Variants in GPR153 observed in about 807,000 individuals in gnomAD.
GPR153 encodes probable G protein-coupled receptor 153.
GPR153 carries 27 observed loss-of-function variants against 34.1 expected under a neutral mutation model. The observed-to-expected ratio is 0.79, with a 90% CI of 0.58 to 1.09. The LOEUF (loss-of-function observed/expected upper bound fraction) is 1.09. Ranked by LOEUF, GPR153 falls within the 50% of genes least tolerant of loss-of-function variation. The probability of loss-of-function intolerance (pLI) is 0.00; values close to 1 mark genes in which losing one functional copy is unlikely to be tolerated. For synonymous variants in GPR153, 408 were observed against 405.4 expected (o/e 1.01, Z -0.08); for missense variants, 848 against 860.2 (o/e 0.99, Z 0.18).
At position 6,253,599 on chromosome 1, in the gene GPR153, C is replaced by T. The variant is rs562506406; in HGVS notation, c.786+119G>A. On this transcript the variant is annotated intron_variant, in intron 3 of 5. Coordinates refer to ENST00000377893, the MANE Select transcript of GPR153 (RefSeq NM_207370.4). The stretch of plus-strand genomic sequence containing the variant: ...GGTTTCCAAATCTGGAAAATGGGGA[C>T]GATGATCAAGCCCATCTCAAAGGAT... 3.6e-4 allele frequency: 330 copies of T among 924,842 alleles called. 3 individuals are homozygous for T. Among genetic ancestry groups the T allele is most frequent in the Middle Eastern group, 2.1e-3 (6 of 2,830 alleles). The allele number at this position is 924,842 out of a possible 1,614,324, so 57.3% of individuals were successfully genotyped here.
At chr1:6,250,110 C>T in intron 5 of GPR153, 107 bp from the exon 6 acceptor site, 4 of 1,304,834 alleles carry the variant, frequency 3.1e-6, no homozygotes, top group South Asian at 2.8e-5. Context: ...GACCAGGCTG[C>T]GCGCTGGGGC....
chr1:6,252,801 G>C (rs912759235), intron 3 of GPR153, among the ~76,000 whole-genome samples: 1 of 152,168 alleles, frequency 6.6e-6, no homozygotes, highest in Non-Finnish European at 1.5e-5. Flanking sequence ...ACTGAGTCCA[G>C]ACTTCATTCT....
In GPR153 at chr1:6,250,613, C is replaced by G; in HGVS notation, c.991G>C (p.Glu331Gln). 6.9e-7 allele frequency: 1 copy of G among 1,452,666 alleles called. No homozygotes were observed. Among genetic ancestry groups the G allele is most frequent in the African/African-American group, 1.6e-5 (1 of 60,918 alleles). 90.0% of individuals were successfully genotyped at this position (1,452,666 alleles called of 1,614,324 possible). ...ACCAGGTCCGGGGAGATGCCACCTT[C>G]CAGGCTGGTCTCTGTAGGGTGGGGG... ...DEESDDETSL[E>Q]GGISPDLVLE... The change falls in exon 5 of 6, where the codon GAA becomes CAA. Residue 331 changes from glutamate (E) to glutamine (Q), a missense_variant. Glu to Gln is a conservative substitution (Grantham distance 29, BLOSUM62 2). Transcript: ENST00000377893.
Position 6,253,878 on chromosome 1 carries a change from C to A in GPR153, c.626G>T (p.Arg209Leu). The change falls in exon 3 of 6, where the codon CGC (arginine) becomes CTC (leucine). Residue 209 changes from arginine to leucine, a missense_variant. Transcript: ENST00000377893. ...GATGGTGGGCACGGTGAAGGCGCGG[C>A]GGTCGGCCTGGCGCCCCACCTGCAC... ...LAVQVGRQAD[R>L]RAFTVPTIVV... 1.9e-6 allele frequency: 3 copies of A among 1,606,006 alleles called. No homozygotes were observed. The highest frequency in any genetic ancestry group is 2.6e-6 in the Non-Finnish European group (3 of 1,175,314).
At chr1:6,255,644 T>TTTG (rs1638551660) in intron 1 of GPR153, among the ~76,000 whole-genome samples, 3 of 67,876 alleles carry the variant, frequency 4.4e-5, no homozygotes, top group African/African-American at 1.6e-4. Flanking sequence ...CTGGCTACGT[T>TTTG]TTTTTTTTTT....
At position 6,250,639 on chromosome 1, in the gene GPR153, G is replaced by A. The variant is rs373272326; in HGVS notation, c.980-15C>T. ...CAGGCTGGTCTCTGTAGGGTGGGGG[G>A]TGGGTGGGGGGGCAGAGCCTTAGGG... On this transcript the variant is annotated splice_polypyrimidine_tract_variant and intron_variant, in intron 4 of 5. Transcript: ENST00000377893. 2.9e-5 allele frequency: 6 copies of A among 205,630 alleles called. No homozygotes were observed. Among genetic ancestry groups the A allele is most frequent in the African/African-American group, 5.6e-5 (2 of 35,856 alleles). 12.7% of individuals were successfully genotyped at this position (205,630 alleles called of 1,614,324 possible). A position where few individuals can be genotyped will look rare whatever the true frequency, so the allele number is the denominator to read the frequency against.
rs1638399113 is a variant in GPR153, at chr1:6,249,869, G to A, written c.1299C>T (p.Pro433=). The change falls in exon 6 of 6, where the codon CCC becomes CCT. Residue 433 remains proline (P), a synonymous_variant. Coordinates refer to ENST00000377893, the MANE Select transcript of GPR153 (RefSeq NM_207370.4). The surrounding 1 kb of genome is among the most constrained non-coding windows in gnomAD (Gnocchi z 4.3). ...CCAGGAGGCTGGCGCGGCGCCGCTCGGGCCCGGCAGGCAGCACCAGGTGCG... is the reference window on the plus strand; with the variant it reads ...CCAGGAGGCTGGCGCGGCGCCGCTCAGGCCCGGCAGGCAGCACCAGGTGCG... ...ALAHLVLPAG[P]ERRRASLLAF... is the part of the protein sequence containing the mutation. 2.4e-6 allele frequency: 3 copies of A among 1,275,552 alleles called. No homozygotes were observed. The highest frequency in any genetic ancestry group is 1.6e-5 in the African/African-American group (1 of 64,192). 79.0% of individuals were successfully genotyped at this position (1,275,552 alleles called of 1,614,324 possible). A position where few individuals can be genotyped will look rare whatever the true frequency, so the allele number is the denominator to read the frequency against.
chr1:6,249,289 C>T lies in GPR153; in HGVS notation c.*49G>A, dbSNP rs570043772. ...GCGGGCGTCTTTGGTGCTGCGGCCC[C>T]GGAGAGCGGCCTGGCCTGCCTGGCG... On this transcript the variant is annotated 3_prime_UTR_variant, in exon 6 of 6. Coordinates refer to ENST00000377893, the MANE Select transcript of GPR153 (RefSeq NM_207370.4). This position sits in a 1 kb window ranked among gnomAD's most constrained non-coding sequence, Gnocchi z 4.3. 3 of 1,218,348 alleles carry T rather than the reference C, an allele frequency of 2.5e-6. No homozygotes were observed. The highest frequency in any genetic ancestry group is 3.2e-5 in the East Asian group (1 of 31,218). The allele number at this position is 1,218,348 out of a possible 1,614,324, so 75.5% of individuals were successfully genotyped here. A position where few individuals can be genotyped will look rare whatever the true frequency, so the allele number is the denominator to read the frequency against.
In GPR153 at chr1:6,249,192, G is replaced by A. The variant is rs915561936; in HGVS notation, c.*146C>T. The A allele has an allele frequency of 1.8e-5, 10 of 568,806 alleles. No homozygotes were observed. The Admixed American group carries it at 2.7e-4, about 15-fold the overall frequency. 35.2% of individuals were successfully genotyped at this position (568,806 alleles called of 1,614,324 possible). ...GGGACAAGGCCAGCTGGGAGGAGCC[G>A]GAAGACAAACGCTGAGGCCAACGCC... is the stretch of plus-strand genomic sequence containing the variant. On this transcript the variant is annotated 3_prime_UTR_variant, in exon 6 of 6. Transcript: ENST00000377893. This position sits in a 1 kb window ranked among gnomAD's most constrained non-coding sequence, Gnocchi z 4.3.
At position 6,247,973 on chromosome 1, in the gene GPR153, G is replaced by A. The variant is rs1214300633; in HGVS notation, c.*1365C>T. The A allele has an allele frequency of 6.6e-6, 1 of 152,396 alleles. No homozygotes were observed. The highest frequency in any genetic ancestry group is 1.5e-5 in the Non-Finnish European group (1 of 68,156). The allele number at this position is 152,396 out of a possible 1,614,324, so 9.4% of individuals were successfully genotyped here. A position where few individuals can be genotyped will look rare whatever the true frequency, so the allele number is the denominator to read the frequency against. On this transcript the variant is annotated 3_prime_UTR_variant, in exon 6 of 6. Coordinates refer to ENST00000377893, the MANE Select transcript of GPR153 (RefSeq NM_207370.4). Reference sequence around the variant, plus strand: ...TGGGACCCTATCTGAAGGATGAAGAGATGGGCTTGGCCACCTGAGGGCCAG... The same window carrying A: ...TGGGACCCTATCTGAAGGATGAAGAAATGGGCTTGGCCACCTGAGGGCCAG...
chr1:6,250,297 C>T (rs1638412569), intron 5 of GPR153, 143 bp downstream of exon 5: 5 of 1,443,578 alleles, frequency 3.5e-6, no homozygotes, highest in Non-Finnish European at 4.5e-6. Context: ...GCTGTGTGAC[C>T]TTTGGACAGC....
chr1:6,254,962 G>A lies in GPR153; in HGVS notation c.-57C>T. On this transcript the variant is annotated 5_prime_UTR_variant, in exon 2 of 6. Transcript: ENST00000377893. ...CATCCTCCTTGGAGCCAGGTCTCAG[G>A]GAGCAGCAGCCCTCACTCCTGGTGG... is the stretch of plus-strand genomic sequence containing the variant. 1 of 1,370,788 alleles carries A rather than the reference G, an allele frequency of 7.3e-7. No homozygotes were observed. Among genetic ancestry groups the A allele is most frequent in the Admixed American group, 2.5e-5 (1 of 40,730 alleles). The allele number at this position is 1,370,788 out of a possible 1,614,324, so 84.9% of individuals were successfully genotyped here. A position where few individuals can be genotyped will look rare whatever the true frequency, so the allele number is the denominator to read the frequency against.
rs960991465 is a variant in GPR153 at position 6,249,624 on chromosome 1, A to T, written c.1544T>A (p.Leu515Gln). ...LTAFECEPQA[L>Q]RRPPGPFPAA... Reference sequence around the variant, plus strand: ...GGGGAAGGGCCCGGGCGGGCGGCGCAGGGCCTGTGGCTCGCACTCGAAGGC... The same window carrying T: ...GGGGAAGGGCCCGGGCGGGCGGCGCTGGGCCTGTGGCTCGCACTCGAAGGC... Residue 515 changes from leucine to glutamine, a missense_variant, in exon 6 of 6, where the codon CTG (leucine) becomes CAG (glutamine). Transcript: ENST00000377893. The surrounding 1 kb of genome is among the most constrained non-coding windows in gnomAD (Gnocchi z 4.3). 23 of 1,110,382 alleles carry T rather than the reference A, an allele frequency of 2.1e-5. No homozygotes were observed. The East Asian group carries it at 1.0e-3, about 51-fold the overall frequency. 68.8% of individuals were successfully genotyped at this position (1,110,382 alleles called of 1,614,324 possible).
rs12735670 is a variant in GPR153, at chr1:6,253,878, C to T, written c.626G>A (p.Arg209His). ...GATGGTGGGCACGGTGAAGGCGCGG[C>T]GGTCGGCCTGGCGCCCCACCTGCAC... Reference protein sequence around the residue: ...LAVQVGRQADRRAFTVPTIVV... With the variant: ...LAVQVGRQADHRAFTVPTIVV... Residue 209 changes from arginine to histidine, a missense_variant, in exon 3 of 6, where the codon CGC (arginine) becomes CAC (histidine). Physicochemically the swap from Arg to His is conservative, Grantham distance 29. Transcript: ENST00000377893. 0.69 allele frequency: 1,115,379 copies of T among 1,605,840 alleles called. 388,189 individuals are homozygous for T. The highest frequency in any genetic ancestry group is 0.79 in the Admixed American group (46,944 of 59,378).
rs1022173593 is a variant in GPR153 at position 6,253,940 on chromosome 1, C to G, written c.564G>C (p.Val188=). 6.2e-7 allele frequency: 1 copy of G among 1,611,724 alleles called. No individual in the cohort carries two copies. The highest frequency in any genetic ancestry group is 1.3e-5 in the African/African-American group (1 of 74,908). The change falls in exon 3 of 6, where the codon GTG becomes GTC. Residue 188 remains valine (V), a synonymous_variant. Coordinates refer to ENST00000377893, the MANE Select transcript of GPR153 (RefSeq NM_207370.4). Reference sequence around the variant, plus strand: ...GGAAGAGGGCGATGGCTGTGCAGATCACGCCCATGGCCACGCTGCCGCCCA... The same window carrying G: ...GGAAGAGGGCGATGGCTGTGCAGATGACGCCCATGGCCACGCTGCCGCCCA... ...LLVGGSVAMG[V]ICTAIALFQT...
chr1:6,260,382 C>CAA (rs1283070888), intron 1 of GPR153, among the ~76,000 whole-genome samples: 3 of 55,682 alleles, frequency 5.4e-5, no homozygotes, highest in African/African-American at 7.9e-5. Context: ...CCGATCCCCC[C>CAA]CCCCCCCCGC....
Position 6,251,198 on chromosome 1 carries a change from T to G in GPR153, c.979+140A>C. 1.4e-6 allele frequency: 1 copy of G among 705,606 alleles called. No homozygotes were observed. The highest frequency in any genetic ancestry group is 2.4e-6 in the Non-Finnish European group (1 of 416,396). 43.7% of individuals were successfully genotyped at this position (705,606 alleles called of 1,614,324 possible). A position where few individuals can be genotyped will look rare whatever the true frequency, so the allele number is the denominator to read the frequency against. ...AGGTCCCTTGGACATTCAAGTACATTTGGGGGTGACACGGGGTGTCTGGTG... is the reference window on the plus strand; with the variant it reads ...AGGTCCCTTGGACATTCAAGTACATGTGGGGGTGACACGGGGTGTCTGGTG... On this transcript the variant is annotated intron_variant, in intron 4 of 5. Transcript: ENST00000377893. This position sits in a 1 kb window ranked among gnomAD's most constrained non-coding sequence, Gnocchi z 4.9.
Position 6,249,342 on chromosome 1 carries a change from G to T in GPR153, c.1826C>A (p.Ser609Tyr), listed in dbSNP as rs746518498. ...CGTGGGGAGGCGCCGGCGGTCCTAG[G>T]ACGCGGAGCCCAGCGAGTCCGAGTG... The part of the protein sequence containing the change: ...TLHSDSLGSA[S>Y] Residue 609 changes from serine to tyrosine, a missense_variant, in exon 6 of 6, where the codon TCC (serine) becomes TAC (tyrosine). Physicochemically the swap from Ser to Tyr is moderately radical, Grantham distance 144 (BLOSUM62 -2). Transcript: ENST00000377893. This position sits in a 1 kb window ranked among gnomAD's most constrained non-coding sequence, Gnocchi z 4.3. 15 of 1,303,142 alleles carry T rather than the reference G, an allele frequency of 1.2e-5. No individual in the cohort carries two copies. The African/African-American group carries it at 2.2e-4, about 19-fold the overall frequency. 80.7% of individuals were successfully genotyped at this position (1,303,142 alleles called of 1,614,324 possible).
At position 6,251,412 on chromosome 1, in the gene GPR153, C is replaced by G; in HGVS notation, c.905G>C (p.Arg302Pro). ...GACAGCTTTGAGGTCAGCCCGGTAG[C>G]GGTCGCAGGCCCAGAGGAACACAGG... is the stretch of plus-strand genomic sequence containing the variant. ...LLPVFLWACD[R>P]YRADLKAVRE... The change falls in exon 4 of 6, where the codon CGC becomes CCC. Residue 302 changes from arginine (R) to proline (P), a missense_variant. Transcript: ENST00000377893. The surrounding 1 kb of genome is among the most constrained non-coding windows in gnomAD (Gnocchi z 4.9). 6.2e-7 allele frequency: 1 copy of G among 1,613,578 alleles called. No individual in the cohort carries two copies. The highest frequency in any genetic ancestry group is 8.5e-7 in the Non-Finnish European group (1 of 1,179,940).
Sources: gnomAD v4.1 joint callset for allele counts (sites outside exome capture counted in the v4.1 genomes callset) on GRCh38, gnomAD v4.1.1 for gene constraint, Gnocchi (gnomAD v3.1) non-coding constraint, MANE v1.5 for transcripts, NCBI Gene and HGNC (gene_info 2026-07-23, HGNC 2026-07-21) for gene names.